Variants in KALRN observed in about 807,000 individuals in gnomAD.
KALRN encodes kalirin RhoGEF kinase.
KALRN carries 70 observed loss-of-function variants against 353.7 expected under a neutral mutation model. That is an observed-to-expected ratio of 0.20 (90% confidence interval 0.16 to 0.24). The LOEUF is 0.24. Ranked by LOEUF, KALRN falls within the 10% of genes least tolerant of loss-of-function variation. The pLI, the probability that KALRN is intolerant of heterozygous loss-of-function variation, is 1.00. For synonymous variants in KALRN, 1,391 were observed against 1,434.8 expected (o/e 0.97, Z 0.69); for missense variants, 2,791 against 3,756.7 (o/e 0.74, Z 6.72).
chr3:124,097,368 A>G (rs1186317048), intron 1 of KALRN, among the ~76,000 whole-genome samples: 1 of 152,276 alleles, frequency 6.6e-6, no homozygotes. Context: ...TAAGTGTAAC[A>G]GAATTTAGCT....
intron 33 of KALRN, among the ~76,000 whole-genome samples, chr3:124,547,716 C>G (rs940967448): frequency 6.6e-6 from 1 of 152,144 alleles, no homozygotes; most frequent in Non-Finnish European, 1.5e-5. Flanking sequence ...ATGTGGCTCC[C>G]CTGTCATGAT....
At chr3:124,252,197 G>A (rs558485647) in intron 3 of KALRN, among the ~76,000 whole-genome samples, 2 of 152,238 alleles carry the variant, frequency 1.3e-5, no homozygotes, top group African/African-American at 2.4e-5. Flanking sequence ...TCACCAGGGG[G>A]AACTTTTAAA....
intron 3 of KALRN, among the ~76,000 whole-genome samples, chr3:124,261,343 T>C (rs765998054): frequency 2.0e-5 from 3 of 152,350 alleles, no homozygotes; most frequent in Non-Finnish European, 4.4e-5. Context: ...AATGAAATGA[T>C]GTATGGCAAA....
chr3:124,678,076 G>A, intron 49 of KALRN, 114 bp from the exon 50 acceptor site: 1 of 1,168,690 alleles, frequency 8.6e-7, no homozygotes, highest in South Asian at 1.3e-5. Context: ...GGCCTCTGAA[G>A]CCCGGGCTTG....
chr3:124,464,936 G>T (rs1190864463), intron 25 of KALRN, among the ~76,000 whole-genome samples: 3 of 151,612 alleles, frequency 2.0e-5, no homozygotes, highest in Non-Finnish European at 2.9e-5. Flanking sequence ...CCCACCATAG[G>T]GCCCAATACA....
At chr3:124,528,867 A>G (rs1280974482) in intron 33 of KALRN, among the ~76,000 whole-genome samples, 1 of 152,186 alleles carries the variant, frequency 6.6e-6, no homozygotes, top group Non-Finnish European at 1.5e-5. Flanking sequence ...AATCAAATGT[A>G]ATACTTGGTT....
chr3:124,717,084 A>G (rs753755578), intron 58 of KALRN, among the ~76,000 whole-genome samples, 163 bp from the exon 59 acceptor site: 13 of 152,230 alleles, frequency 8.5e-5, no homozygotes, highest in Non-Finnish European at 1.3e-4. Context: ...GAATATTACA[A>G]TAACTTTAGG....
chr3:124,195,743 A>C (rs947994143), intron 1 of KALRN, among the ~76,000 whole-genome samples: 1 of 152,186 alleles, frequency 6.6e-6, no homozygotes, highest in Non-Finnish European at 1.5e-5. Flanking sequence ...TTAGCAGCTG[A>C]ACATGGGGTG....
chr3:124,244,115 A>G (rs1262106237), intron 3 of KALRN, among the ~76,000 whole-genome samples: 1 of 152,224 alleles, frequency 6.6e-6, no homozygotes, highest in Admixed American at 6.5e-5. Context: ...AATTAGAAAG[A>G]TATTTCTTTT....
At chr3:124,610,634 T>TGG (rs397977030) in intron 34 of KALRN, among the ~76,000 whole-genome samples, 22 of 146,738 alleles carry the variant, frequency 1.5e-4, no homozygotes, top group African/African-American at 3.8e-4. Flanking sequence ...TAACTAACCC[T>TGG]GGGGGGGGCG....
intron 6 of KALRN, among the ~76,000 whole-genome samples, chr3:124,317,646 T>A (rs2078934794): frequency 7.5e-6 from 1 of 133,764 alleles, no homozygotes. Flanking sequence ...GGGCCTGAAA[T>A]ACTGTATTTC....
chr3:124,502,698 G>A (rs1321426457), intron 33 of KALRN, among the ~76,000 whole-genome samples: 1 of 152,134 alleles, frequency 6.6e-6, no homozygotes, highest in Non-Finnish European at 1.5e-5. Context: ...GAAGACCTGG[G>A]GTAGGTCACT....
Position 124,268,915 on chromosome 3 carries a change from A to T in KALRN, c.629A>T (p.Gln210Leu). 6.2e-7 allele frequency: 1 copy of T among 1,614,014 alleles called. No individual in the cohort carries two copies. The highest frequency in any genetic ancestry group is 8.5e-7 in the Non-Finnish European group (1 of 1,179,930). The change falls in exon 5 of 60, where the codon CAG becomes CTG. Residue 210 changes from glutamine to leucine, a missense_variant. This residue lies in a region of KALRN where 366 missense variants were observed against 489.2 expected (regional missense o/e 0.75). Coordinates refer to ENST00000682506, the MANE Select transcript of KALRN (RefSeq NM_001388419.1). ...CTGCTCTCGCGCCTCGAGGACCTCCAGGAGATGCTAGCCCGGAAGGAGTTT... is the reference window on the plus strand; with the variant it reads ...CTGCTCTCGCGCCTCGAGGACCTCCTGGAGATGCTAGCCCGGAAGGAGTTT... ...VHLLSRLEDL[Q>L]EMLARKEFPV...
intron 25 of KALRN, among the ~76,000 whole-genome samples, chr3:124,466,255 C>T (rs1040617744): frequency 2.6e-5 from 4 of 152,172 alleles, no homozygotes; most frequent in Non-Finnish European, 4.4e-5. Flanking sequence ...CCTCCACTCT[C>T]CCCATTTTGC....
intron 5 of KALRN, among the ~76,000 whole-genome samples, chr3:124,279,003 C>T (rs2075073465): frequency 6.6e-6 from 1 of 152,176 alleles, no homozygotes; most frequent in Non-Finnish European, 1.5e-5. Context: ...TTCTTGGTCC[C>T]TGTCCTGGCA....
intron 1 of KALRN, among the ~76,000 whole-genome samples, chr3:124,107,463 G>A (rs529700687): frequency 7.2e-5 from 11 of 152,290 alleles, no homozygotes; most frequent in South Asian, 6.2e-4. Flanking sequence ...CTCAGCTAGA[G>A]ACAATGTGGT....
chr3:124,413,817 G>A, intron 14 of KALRN, 152 bp downstream of exon 14: 2 of 704,248 alleles, frequency 2.8e-6, no homozygotes, highest in Non-Finnish European at 4.5e-6. Context: ...TAAAAGAAAG[G>A]AAACGAGGCC....
intron 34 of KALRN, among the ~76,000 whole-genome samples, chr3:124,569,211 C>T (rs79497858): frequency 0.017 from 2,525 of 152,202 alleles, 70 homozygotes; most frequent in African/African-American, 0.056. Context: ...AGGAGAGGGA[C>T]AGTGGCCCAT....
intron 34 of KALRN, among the ~76,000 whole-genome samples, chr3:124,588,565 C>CA (rs1338441145): frequency 6.6e-6 from 1 of 152,168 alleles, no homozygotes; most frequent in Non-Finnish European, 1.5e-5. Context: ...GCTGGGACTA[C>CA]AGGCGTGCAC....
Sources: allele counts gnomAD v4.1 joint callset (sites outside exome capture counted in the v4.1 genomes callset), GRCh38; gene constraint gnomAD v4.1.1; regional missense constraint gnomAD v4.1.1; transcripts MANE v1.5; gene names NCBI Gene and HGNC (gene_info 2026-07-23, HGNC 2026-07-21).